Variants in PDZD7 observed in about 807,000 individuals in gnomAD.
PDZD7 encodes PDZ domain containing 7.
A neutral mutation model predicts 84.7 loss-of-function variants in PDZD7; 72 were observed. The ratio of observed to expected loss-of-function variants is 0.85; its 90% confidence interval spans 0.70 to 1.03. PDZD7 has a LOEUF of 1.03. Among genes scored for constraint, PDZD7 ranks in the 50% least tolerant of loss-of-function variants. PDZD7 has a pLI of 0.00. For synonymous variants in PDZD7, 594 were observed against 580.7 expected (o/e 1.02, Z -0.33); for missense variants, 1,490 against 1,412.9 (o/e 1.05, Z -0.87).
intron 2 of PDZD7, among the ~76,000 whole-genome samples, chr10:101,028,528 G>C (rs1289113690): frequency 6.6e-6 from 1 of 151,958 alleles, no homozygotes; most frequent in Admixed American, 6.6e-5. Context: ...CCAGAAGTTT[G>C]AGGCTGCAGT....
Position 101,010,799 on chromosome 10 carries a change from G to A in PDZD7, c.2090C>T (p.Ala697Val), listed in dbSNP as rs1564627664. The change falls in exon 15 of 17, where the codon GCC (alanine) becomes GTC (valine). Residue 697 changes from alanine (A) to valine (V), a missense_variant. Physicochemically the swap from Ala to Val is moderately conservative, Grantham distance 64. Coordinates refer to ENST00000619208, the MANE Select transcript of PDZD7 (RefSeq NM_001195263.2). ...AGAGGCACTTGGGGAGACCTTGAGGGCCCCCAGCCGCTCCCTCAGCTCCCC... is the reference window on the plus strand; with the variant it reads ...AGAGGCACTTGGGGAGACCTTGAGGACCCCCAGCCGCTCCCTCAGCTCCCC... ...DNGELRERLG[A>V]LKVSPSASAP... 6.5e-7 allele frequency: 1 copy of A among 1,535,402 alleles called. No homozygotes were observed. The highest frequency in any genetic ancestry group is 8.7e-7 in the Non-Finnish European group (1 of 1,146,848).
In PDZD7 at chr10:101,007,791, C is replaced by T; in HGVS notation, c.*676G>A. ...TTTTTCACACTGTAAATTTCTTGTA[C>T]AAACCCAAAGAAAAAATTAAAAAAA... On this transcript the variant is annotated 3_prime_UTR_variant, in exon 17 of 17. Transcript: ENST00000619208. The T allele has an allele frequency of 2.4e-6, 1 of 418,322 alleles. No homozygotes were observed. Among genetic ancestry groups the T allele is most frequent in the Non-Finnish European group, 3.2e-6 (1 of 312,994 alleles). 25.9% of individuals were successfully genotyped at this position (418,322 alleles called of 1,614,324 possible).
chr10:101,028,976 C>T (rs372522772), intron 2 of PDZD7, among the ~76,000 whole-genome samples: 3 of 152,202 alleles, frequency 2.0e-5, no homozygotes, highest in Non-Finnish European at 4.4e-5. Flanking sequence ...AAGAGAGATG[C>T]CCTGCTGGGT....
intron 2 of PDZD7, among the ~76,000 whole-genome samples, chr10:101,027,044 G>C (rs1937753459): frequency 6.6e-6 from 1 of 152,086 alleles, no homozygotes; most frequent in Non-Finnish European, 1.5e-5. Context: ...CTCTCCCCCA[G>C]GTGCTCCACT....
At chr10:101,009,056 A>T (rs1414330872) in intron 16 of PDZD7, among the ~76,000 whole-genome samples, 194 bp downstream of exon 16, 2 of 152,156 alleles carry the variant, frequency 1.3e-5, no homozygotes, top group Non-Finnish European at 2.9e-5. Context: ...CTTGGGGCTC[A>T]GGCTCAGGCT....
chr10:101,010,659 G>A lies in PDZD7; in HGVS notation c.2230C>T (p.Arg744Trp), dbSNP rs565952913. ...PPPQLPPVAP[R>W]PLRPNWLLTE... is the part of the protein sequence containing the mutation. ...AGCAGCCAGTTAGGCCGCAGGGGCC[G>A]GGGAGCCACGGGGGGTAGCTGGGGA... Residue 744 changes from arginine to tryptophan, a missense_variant, in exon 15 of 17, where the codon CGG (arginine) becomes TGG (tryptophan). Arg to Trp is a moderately radical substitution (Grantham distance 101, BLOSUM62 -3). Transcript: ENST00000619208. The A allele has an allele frequency of 5.3e-6, 8 of 1,517,952 alleles. No homozygotes were observed. The South Asian group carries it at 7.3e-5, about 14-fold the overall frequency. The allele number at this position is 1,517,952 out of a possible 1,614,324, so 94.0% of individuals were successfully genotyped here. A position where few individuals can be genotyped will look rare whatever the true frequency, so the allele number is the denominator to read the frequency against.
intron 4 of PDZD7, 63 bp downstream of exon 4, chr10:101,023,373 T>G: frequency 6.3e-7 from 1 of 1,597,582 alleles, no homozygotes; most frequent in Non-Finnish European, 8.6e-7. Context: ...GGGTTTTGGG[T>G]GTTGGTAGGG....
chr10:101,030,855 C>T (rs1173710754), intron 1 of PDZD7: 1 of 161,444 alleles, frequency 6.2e-6, no homozygotes, highest in Non-Finnish European at 1.4e-5. Flanking sequence ...GGAAGACCCC[C>T]AGACACCCGC....
Position 101,021,784 on chromosome 10 carries a change from A to G in PDZD7, c.867+14T>C. On this transcript the variant is annotated intron_variant, in intron 6 of 16. Transcript: ENST00000619208. Reference sequence around the variant, plus strand: ...TCTAGCCTCACCTCTCCCTACCCCCACTGTTCTGCCCACCTTGATGGTCAG... The same window carrying G: ...TCTAGCCTCACCTCTCCCTACCCCCGCTGTTCTGCCCACCTTGATGGTCAG... The G allele has an allele frequency of 6.2e-7, 1 of 1,614,028 alleles. No homozygotes were observed. The highest frequency in any genetic ancestry group is 8.5e-7 in the Non-Finnish European group (1 of 1,179,982).
intron 8 of PDZD7, 126 bp downstream of exon 8, chr10:101,018,696 G>T: frequency 7.9e-7 from 1 of 1,267,134 alleles, no homozygotes; most frequent in Non-Finnish European, 1.1e-6. Context: ...GCAGCCTGGA[G>T]CTTGGGTTGG....
At position 101,023,917 on chromosome 10, in the gene PDZD7, G is replaced by A. The variant is rs750674894; in HGVS notation, c.367+11C>T. 2.5e-6 allele frequency: 4 copies of A among 1,614,226 alleles called. No individual in the cohort carries two copies. The highest frequency in any genetic ancestry group is 1.7e-5 in the Admixed American group (1 of 60,026). On this transcript the variant is annotated intron_variant, in intron 3 of 16. Coordinates refer to ENST00000619208, the MANE Select transcript of PDZD7 (RefSeq NM_001195263.2). ...CCTAAGCGTGGACTTCAGCCTGGGG[G>A]TTCTGCTTACCTGCACTGCTGCCTT...
chr10:101,030,092 A>G lies in PDZD7; in HGVS notation c.128T>C (p.Leu43Pro). 6.2e-7 allele frequency: 1 copy of G among 1,614,112 alleles called. No individual in the cohort carries two copies. Among genetic ancestry groups the G allele is most frequent in the Non-Finnish European group, 8.5e-7 (1 of 1,180,006 alleles). Residue 43 changes from leucine to proline, a missense_variant, in exon 2 of 17, where the codon CTG (leucine) becomes CCG (proline). Physicochemically the swap from Leu to Pro is moderately conservative, Grantham distance 98 (BLOSUM62 -3). Coordinates refer to ENST00000619208, the MANE Select transcript of PDZD7 (RefSeq NM_001195263.2). ...CAGCAGCCGTTGTTGCTTCCTTAGC[A>G]GGTATCGCGTTGCGGTGGAGCCTGA... ...SDSGSTATRY[L>P]LRKQQRLLNG... is the part of the protein sequence containing the mutation.
Position 101,017,851 on chromosome 10 carries a change from G to GA in PDZD7, c.1522+247dup, listed in dbSNP as rs377027567. The GA allele has an allele frequency of 1.9e-4, 60 of 323,602 alleles. 1 individual carries two copies. Among genetic ancestry groups the GA allele is most frequent in the African/African-American group, 1.7e-3 (35 of 20,714 alleles). 20.0% of individuals were successfully genotyped at this position (323,602 alleles called of 1,614,324 possible). ...GGAAGGAAGGAAGGAAAGAAAGAAA[G>GA]AAAGAAAGAAAGAAAGAAAGAAAGA... On this transcript the variant is annotated intron_variant, in intron 9 of 16. Transcript: ENST00000619208.
At chr10:101,022,135 A>G (rs1319209635) in intron 5 of PDZD7, 74 bp downstream of exon 5, 2 of 1,592,110 alleles carry the variant, frequency 1.3e-6, no homozygotes, top group Non-Finnish European at 1.7e-6. Flanking sequence ...GACCATCCCC[A>G]CATCCCAGCC....
chr10:101,010,368 C>T lies in PDZD7; in HGVS notation c.2521G>A (p.Glu841Lys). 6.5e-7 allele frequency: 1 copy of T among 1,536,232 alleles called. No homozygotes were observed. The highest frequency in any genetic ancestry group is 8.7e-7 in the Non-Finnish European group (1 of 1,146,946). ...AKVGAKQGPSESGTEGTAKEA... is the reference protein window; with the variant it reads ...AKVGAKQGPSKSGTEGTAKEA... ...TTGGCCGTCCCCTCAGTTCCACTCT[C>T]CGAGGGCCCTTGCTTGGCCCCCACC... is the stretch of plus-strand genomic sequence containing the variant. Residue 841 changes from glutamate to lysine, a missense_variant, in exon 15 of 17, where the codon GAG becomes AAG. Glu to Lys is a moderately conservative substitution (Grantham distance 56, BLOSUM62 1). Coordinates refer to ENST00000619208, the MANE Select transcript of PDZD7 (RefSeq NM_001195263.2).
rs986849370 is a variant in PDZD7 at position 101,030,314 on chromosome 10, G to C, written c.-95C>G. The C allele has an allele frequency of 2.7e-6, 3 of 1,091,454 alleles. No homozygotes were observed. The Admixed American group carries it at 5.9e-5, about 22-fold the overall frequency. 67.6% of individuals were successfully genotyped at this position (1,091,454 alleles called of 1,614,324 possible). On this transcript the variant is annotated 5_prime_UTR_variant, in exon 2 of 17. Coordinates refer to ENST00000619208, the MANE Select transcript of PDZD7 (RefSeq NM_001195263.2). The stretch of plus-strand genomic sequence containing the variant: ...CGTGCTTCGAGCTCCATGAGCCTCT[G>C]TGCGGGGCTGGGGTCTCAGTAACGT...
chr10:101,018,802 G>C lies in PDZD7; in HGVS notation c.1324+20C>G. The C allele has an allele frequency of 1.3e-6, 2 of 1,568,676 alleles. No individual in the cohort carries two copies. The highest frequency in any genetic ancestry group is 2.4e-5 in the South Asian group (2 of 84,022). The stretch of plus-strand genomic sequence containing the variant: ...ACCAGAGGCTGTGGAGGGAGCAGCC[G>C]CCACCCATCCCCCACGTACCCCACA... On this transcript the variant is annotated intron_variant, in intron 8 of 16. Transcript: ENST00000619208.
At chr10:101,021,028 C>G (rs1360730034) in intron 6 of PDZD7, among the ~76,000 whole-genome samples, 3 of 152,212 alleles carry the variant, frequency 2.0e-5, no homozygotes, top group African/African-American at 7.2e-5. Context: ...GTCCTGTTCA[C>G]TGTTGCAGCC....
Position 101,015,642 on chromosome 10 carries a change from G to A in PDZD7, c.1743C>T (p.Cys581=), listed in dbSNP as rs1356663461. 6.5e-7 allele frequency: 1 copy of A among 1,547,754 alleles called. No homozygotes were observed. The highest frequency in any genetic ancestry group is 8.7e-7 in the Non-Finnish European group (1 of 1,144,790). ...GGATGGGATGAAGGCTTACCCGGGA[G>A]CAGTGGCGGGTGACAGCCAGCACCT... The part of the protein sequence containing the change: ...DDEVLAVTRH[C]SRYVHEGGIE... Residue 581 remains cysteine, a synonymous_variant, in exon 11 of 17, where the codon TGC becomes TGT. Transcript: ENST00000619208.
Sources: gnomAD v4.1 joint callset for allele counts (sites outside exome capture counted in the v4.1 genomes callset) on GRCh38, gnomAD v4.1.1 for gene constraint, MANE v1.5 for transcripts, NCBI Gene and HGNC (gene_info 2026-07-23, HGNC 2026-07-21) for gene names.